Variants in TXNRD3 observed in about 807,000 individuals in gnomAD.
TXNRD3 encodes TXNRD3 neighbor gene protein.
Under a neutral mutation model 78.2 loss-of-function variants are expected in TXNRD3, and 68 were observed. That is an observed-to-expected ratio of 0.87 (90% CI 0.72 to 1.06). The LOEUF (loss-of-function observed/expected upper bound fraction) is 1.06. TXNRD3 is among the 50% of genes least tolerant of loss of function. TXNRD3 has a pLI of 0.00. For missense variants in TXNRD3, 751 were observed against 809.5 expected (o/e 0.93, Z 0.88); for synonymous variants, 296 against 300.1 (o/e 0.99, Z 0.14).
intron 6 of TXNRD3, among the ~76,000 whole-genome samples, chr3:126,635,986 C>T (rs1187717256): frequency 6.6e-6 from 1 of 152,138 alleles, no homozygotes; most frequent in Non-Finnish European, 1.5e-5. Flanking sequence ...GGCTGGAGTG[C>T]TATGGCATGG....
chr3:126,644,758 T>G (rs1309619516), intron 3 of TXNRD3, among the ~76,000 whole-genome samples: 2 of 152,266 alleles, frequency 1.3e-5, no homozygotes, highest in Non-Finnish European at 2.9e-5. Context: ...GTATCATTTT[T>G]CATTAGCTCA....
At chr3:126,621,955 C>A in intron 11 of TXNRD3, 57 bp from the exon 12 acceptor site, 1 of 1,339,898 alleles carries the variant, frequency 7.5e-7, no homozygotes, top group Non-Finnish European at 9.7e-7. Context: ...ACACTGCTGG[C>A]TGACTAATAC....
intron 14 of TXNRD3, among the ~76,000 whole-genome samples, chr3:126,610,357 T>C (rs971896798): frequency 6.6e-6 from 1 of 152,354 alleles, no homozygotes; most frequent in Middle Eastern, 3.4e-3. Context: ...GTCTTAACAC[T>C]GCTTTCTACA....
intron 8 of TXNRD3, among the ~76,000 whole-genome samples, chr3:126,631,360 T>C (rs1938710645): frequency 6.6e-6 from 1 of 152,188 alleles, no homozygotes; most frequent in Non-Finnish European, 1.5e-5. Context: ...CATGTCCTGT[T>C]TGACCACTAA....
chr3:126,645,077 T>C (rs1289122899), intron 3 of TXNRD3, among the ~76,000 whole-genome samples: 1 of 152,194 alleles, frequency 6.6e-6, no homozygotes, highest in Non-Finnish European at 1.5e-5. Flanking sequence ...ACAAATACCA[T>C]GATCAAACTA....
At chr3:126,643,919 A>C in intron 5 of TXNRD3, 62 bp downstream of exon 5, 1 of 1,415,020 alleles carries the variant, frequency 7.1e-7, no homozygotes. Flanking sequence ...ATTAAATGAG[A>C]TTACATAAAG....
At chr3:126,643,379 C>G (rs1469634802) in intron 5 of TXNRD3, among the ~76,000 whole-genome samples, 1 of 152,206 alleles carries the variant, frequency 6.6e-6, no homozygotes, top group Middle Eastern at 3.2e-3. Context: ...CTACAGTAGA[C>G]AGCAGAGTCA....
intron 10 of TXNRD3, chr3:126,624,875 C>A: frequency 4.7e-6 from 1 of 214,194 alleles, no homozygotes; most frequent in Non-Finnish European, 1.0e-5. Flanking sequence ...TAGGATGTGG[C>A]TGTGGAGTGC....
rs1371973259 is a variant in TXNRD3, at chr3:126,607,870, G to A, written c.*35C>T. On this transcript the variant is annotated 3_prime_UTR_variant, in exon 16 of 16. Coordinates refer to ENST00000524230, the MANE Select transcript of TXNRD3 (RefSeq NM_052883.3). ...GAGCATTCTTATCTTTGAGAGAAAT[G>A]AGAATATGACAAGGAGAACTAAACA... The A allele has an allele frequency of 6.8e-7, 1 of 1,467,112 alleles. No individual in the cohort carries two copies. Among genetic ancestry groups the A allele is most frequent in the Non-Finnish European group, 9.1e-7 (1 of 1,094,742 alleles). The allele number at this position is 1,467,112 out of a possible 1,614,324, so 90.9% of individuals were successfully genotyped here.
intron 1 of TXNRD3, among the ~76,000 whole-genome samples, chr3:126,649,154 T>C (rs373365949): frequency 6.6e-6 from 1 of 152,136 alleles, no homozygotes; most frequent in African/African-American, 2.4e-5. Context: ...AACAAAAAAG[T>C]TAAAACCCCA....
chr3:126,648,345 TC>T (rs141083879), intron 1 of TXNRD3, among the ~76,000 whole-genome samples: 12,467 of 152,254 alleles, frequency 0.082, 572 homozygotes, highest in East Asian at 0.2. Context: ...ATCCCAATGA[TC>T]TTTTTTTGCA....
intron 12 of TXNRD3, among the ~76,000 whole-genome samples, chr3:126,620,620 T>C (rs1049513696): frequency 4.6e-5 from 7 of 152,188 alleles, no homozygotes; most frequent in Admixed American, 4.6e-4. Flanking sequence ...AGGTTCAATA[T>C]GGGCGATTGT....
chr3:126,644,678 A>G (rs948110730), intron 3 of TXNRD3, among the ~76,000 whole-genome samples: 4 of 152,232 alleles, frequency 2.6e-5, no homozygotes, highest in African/African-American at 9.6e-5. Flanking sequence ...CTCTGTACCT[A>G]TGTAAGATGA....
In TXNRD3 at chr3:126,654,731, G is replaced by A. The variant is rs1161096621; in HGVS notation, c.243+17C>T. 3 of 1,304,034 alleles carry A rather than the reference G, an allele frequency of 2.3e-6. No homozygotes were observed. The highest frequency in any genetic ancestry group is 2.5e-4 in the Middle Eastern group (1 of 3,958). The allele number at this position is 1,304,034 out of a possible 1,614,324, so 80.8% of individuals were successfully genotyped here. A position where few individuals can be genotyped will look rare whatever the true frequency, so the allele number is the denominator to read the frequency against. ...GGCCCGGTCGCGCGCGGTGGAACCG[G>A]CGAGGGCCGCGCCTACCCGAGTACT... On this transcript the variant is annotated intron_variant, in intron 1 of 15. Coordinates refer to ENST00000524230, the MANE Select transcript of TXNRD3 (RefSeq NM_052883.3).
chr3:126,637,351 C>T (rs1932933152), intron 6 of TXNRD3, among the ~76,000 whole-genome samples: 1 of 151,990 alleles, frequency 6.6e-6, no homozygotes, highest in East Asian at 1.9e-4. Context: ...CAAACATTTG[C>T]CTATTTTATT....
Position 126,611,053 on chromosome 3 carries a change from C to A in TXNRD3, c.1712G>T (p.Cys571Phe). 1 of 1,516,636 alleles carries A rather than the reference C, an allele frequency of 6.6e-7. No individual in the cohort carries two copies. 93.9% of individuals were successfully genotyped at this position (1,516,636 alleles called of 1,614,324 possible). A position where few individuals can be genotyped will look rare whatever the true frequency, so the allele number is the denominator to read the frequency against. ...ATTACATACATGGTCGAATTTATTG[C>A]AGATTATCTTTGCATAACAAGTGTT... Residue 571 changes from cysteine to phenylalanine, a missense_variant, in exon 14 of 16, where the codon TGC (cysteine) becomes TTC (phenylalanine). Transcript: ENST00000524230.
Position 126,644,085 on chromosome 3 carries a change from A to G in TXNRD3, c.520-32T>C, listed in dbSNP as rs1169196275. 9.8e-6 allele frequency: 15 copies of G among 1,532,120 alleles called. No homozygotes were observed. The Admixed American group carries it at 2.6e-4, about 26-fold the overall frequency. 94.9% of individuals were successfully genotyped at this position (1,532,120 alleles called of 1,614,324 possible). A position where few individuals can be genotyped will look rare whatever the true frequency, so the allele number is the denominator to read the frequency against. ...ACGAACAACAACAAAAATTACGTAT[A>G]AAGATCTTGTCACTTTCCTGACACT... On this transcript the variant is annotated intron_variant, in intron 4 of 15. Coordinates refer to ENST00000524230, the MANE Select transcript of TXNRD3 (RefSeq NM_052883.3).
At position 126,649,268 on chromosome 3, in the gene TXNRD3, T is replaced by C. The variant is rs188618633; in HGVS notation, c.244-1972A>G. ...GTTGTTCATCATCACTAATCTTTAG[T>C]GAAACGTGAATCAAAACCACAATAA... On this transcript the variant is annotated intron_variant, in intron 1 of 15. Transcript: ENST00000524230. Among the ~76,000 whole-genome samples, 4 of 152,342 alleles carry C rather than the reference T, an allele frequency of 2.6e-5. No individual in the cohort carries two copies. The East Asian group carries it at 7.7e-4, about 29-fold the overall frequency.
At chr3:126,610,938 A>T in intron 14 of TXNRD3, 99 bp downstream of exon 14, 1 of 691,406 alleles carries the variant, frequency 1.4e-6, no homozygotes, top group Non-Finnish European at 2.2e-6. Context: ...ACATGGCAAG[A>T]TCCCGTCTCT....
Sources: allele counts gnomAD v4.1 joint callset (sites outside exome capture counted in the v4.1 genomes callset), GRCh38; gene constraint gnomAD v4.1.1; transcripts MANE v1.5; gene names NCBI Gene and HGNC (gene_info 2026-07-23, HGNC 2026-07-21).